DNAH17: variants seen among roughly 807,000 people sequenced by gnomAD.
The protein encoded by DNAH17 is dynein axonemal heavy chain 17, also known as axonemal beta dynein heavy chain 17.
DNAH17 carries 376 observed loss-of-function variants against 485.6 expected under a neutral mutation model. That is an observed-to-expected ratio of 0.77 (90% CI 0.71 to 0.84). The LOEUF (loss-of-function observed/expected upper bound fraction) is 0.84. Among genes scored for constraint, DNAH17 ranks in the 40% least tolerant of loss-of-function variants. The pLI is 0.00. For synonymous variants in DNAH17, 3,031 were observed against 2,405.9 expected, an observed-to-expected ratio of 1.26 and a Z score of -7.60; for missense variants, 6,370 against 5,839.3, an observed-to-expected ratio of 1.09 and a Z score of -2.96.
chr17:78,483,426 T>C (rs2089438953), intron 48 of DNAH17, among the ~76,000 whole-genome samples: 1 of 152,016 alleles, frequency 6.6e-6, no homozygotes, highest in Non-Finnish European at 1.5e-5. Flanking sequence ...GGTCAGGAGT[T>C]AGAGACCTGC....
chr17:78,460,841 C>T (rs938637552), intron 58 of DNAH17, among the ~76,000 whole-genome samples: 1 of 152,126 alleles, frequency 6.6e-6, no homozygotes, highest in African/African-American at 2.4e-5. Flanking sequence ...TAGCTCACAC[C>T]CCTCTAAGAA....
Position 78,570,374 on chromosome 17 carries a change from T to TG in DNAH17, c.919-3dup, listed in dbSNP as rs1409811363. 6 of 1,609,456 alleles carry TG rather than the reference T, an allele frequency of 3.7e-6. No homozygotes were observed. The highest frequency in any genetic ancestry group is 4.5e-5 in the East Asian group (2 of 44,760). ...CACCTTGGCAATGAAGGTGGGGAGC[T>TG]GGGGGGAGACAGGCCCAGGCACACT... On this transcript the variant is annotated splice_region_variant and splice_polypyrimidine_tract_variant and intron_variant, in intron 6 of 80. Coordinates refer to ENST00000389840, the MANE Select transcript of DNAH17 (RefSeq NM_173628.4).
At chr17:78,513,647 G>A (rs1291243345) in intron 26 of DNAH17, among the ~76,000 whole-genome samples, 1 of 152,100 alleles carries the variant, frequency 6.6e-6, no homozygotes, top group Admixed American at 6.5e-5. Flanking sequence ...TGTTGGCCAG[G>A]CTGGTCTCAA....
At chr17:78,528,317 G>A (rs1240902179) in intron 22 of DNAH17, among the ~76,000 whole-genome samples, 2 of 152,178 alleles carry the variant, frequency 1.3e-5, no homozygotes, top group African/African-American at 4.8e-5. Flanking sequence ...CTAGAGTCCA[G>A]TGGTACAATC....
chr17:78,552,885 C>CA, intron 14 of DNAH17, 80 bp from the exon 15 acceptor site: 1 of 929,274 alleles, frequency 1.1e-6, no homozygotes, highest in Admixed American at 1.7e-5. Flanking sequence ...TTTTATTCCT[C>CA]AACACCAACT....
intron 80 of DNAH17, 27 bp from the exon 81 acceptor site, chr17:78,424,180 A>C: frequency 6.3e-7 from 1 of 1,587,838 alleles, no homozygotes; most frequent in Non-Finnish European, 8.6e-7. Context: ...GCTGAGGGTC[A>C]GGTGTGCTGC....
Position 78,428,573 on chromosome 17 carries a change from T to A in DNAH17, c.12540A>T (p.Pro4180=). 1 of 1,613,922 alleles carries A rather than the reference T, an allele frequency of 6.2e-7. No homozygotes were observed. Residue 4180 remains proline, a synonymous_variant, in exon 77 of 81, where the codon CCA becomes CCT. Transcript: ENST00000389840. ...KLFRTVLEMQ[P]KETDSGAGTG... Reference sequence around the variant, plus strand: ...TGCCTGCCCCCGAGTCCGTCTCTTTTGGCTGCATTTCCAGGACAGTGCGGA... The same window carrying A: ...TGCCTGCCCCCGAGTCCGTCTCTTTAGGCTGCATTTCCAGGACAGTGCGGA...
intron 17 of DNAH17, among the ~76,000 whole-genome samples, chr17:78,543,055 G>A (rs77094631): frequency 0.18 from 26,936 of 152,242 alleles, 2,607 homozygotes; most frequent in East Asian, 0.31. Flanking sequence ...AGGCTTGGAA[G>A]TGTACAGCAA....
chr17:78,501,267 G>A lies in DNAH17; in HGVS notation c.5400C>T (p.Ala1800=). The A allele has an allele frequency of 6.2e-7, 1 of 1,609,372 alleles. No homozygotes were observed. The highest frequency in any genetic ancestry group is 8.5e-7 in the Non-Finnish European group (1 of 1,176,112). ...ACTGGATTTGGGCATCGCAGATGTT[G>A]GCAAAGCAGTGTCGCTTCTCTTCGT... ...RWDEEKRHCF[A]NICDAQIQYS... Residue 1800 remains alanine (A), a synonymous_variant, in exon 35 of 81, where the codon GCC becomes GCT. Coordinates refer to ENST00000389840, the MANE Select transcript of DNAH17 (RefSeq NM_173628.4).
chr17:78,437,740 G>A lies in DNAH17; in HGVS notation c.11934C>T (p.Ile3978=), dbSNP rs766522069. ...AEPAPSPETH[I]IPQGILENAI... ...CGTTCTCCAGAATGCCCTGGGGGAT[G>A]ATGTGGGTCTCGGGGCTGGGGGCAG... The change falls in exon 74 of 81, where the codon ATC becomes ATT. Residue 3978 remains isoleucine, a synonymous_variant. Transcript: ENST00000389840. 9 of 1,612,516 alleles carry A rather than the reference G, an allele frequency of 5.6e-6. No homozygotes were observed. Among genetic ancestry groups the A allele is most frequent in the Non-Finnish European group, 7.6e-6 (9 of 1,179,786 alleles).
At chr17:78,544,966 T>C (rs2091717503) in intron 16 of DNAH17, among the ~76,000 whole-genome samples, 1 of 151,946 alleles carries the variant, frequency 6.6e-6, no homozygotes, top group Non-Finnish European at 1.5e-5. Flanking sequence ...CAAAAAACAG[T>C]CTTTGGCCAT....
At chr17:78,503,562 A>C (rs965175973) in intron 31 of DNAH17, among the ~76,000 whole-genome samples, 2 of 151,962 alleles carry the variant, frequency 1.3e-5, no homozygotes, top group African/African-American at 4.8e-5. Context: ...GTCCTGGCTC[A>C]CTGCAGCCTC....
At chr17:78,526,819 G>GC in intron 23 of DNAH17, 61 bp downstream of exon 23, 1 of 1,558,414 alleles carries the variant, frequency 6.4e-7, no homozygotes, top group Non-Finnish European at 8.7e-7. Context: ...ATGCCGCAGG[G>GC]CCCTGGGTGA....
At position 78,561,007 on chromosome 17, in the gene DNAH17, T is replaced by G. The variant is rs993261016; in HGVS notation, c.1836-72A>C. 6 of 1,433,132 alleles carry G rather than the reference T, an allele frequency of 4.2e-6. No individual in the cohort carries two copies. The Admixed American group carries it at 1.2e-4, about 30-fold the overall frequency. 88.8% of individuals were successfully genotyped at this position (1,433,132 alleles called of 1,614,324 possible). A position where few individuals can be genotyped will look rare whatever the true frequency, so the allele number is the denominator to read the frequency against. Reference sequence around the variant, plus strand: ...GGGTGTCTTCGGCACGTCCCATCGTTGCTGCCCGATCTGGGGTGCCGAAGC... The same window carrying G: ...GGGTGTCTTCGGCACGTCCCATCGTGGCTGCCCGATCTGGGGTGCCGAAGC... On this transcript the variant is annotated intron_variant, in intron 12 of 80. Coordinates refer to ENST00000389840, the MANE Select transcript of DNAH17 (RefSeq NM_173628.4).
intron 71 of DNAH17, 106 bp downstream of exon 71, chr17:78,444,498 C>G (rs1343917440): frequency 1.8e-6 from 2 of 1,129,902 alleles, no homozygotes; most frequent in East Asian, 5.8e-5. Flanking sequence ...GAAAAAAGTT[C>G]AGGGGATCAA....
chr17:78,504,450 C>T (rs1376182733), intron 31 of DNAH17, among the ~76,000 whole-genome samples: 2 of 148,256 alleles, frequency 1.3e-5, no homozygotes, highest in African/African-American at 2.5e-5. Context: ...GCCCAGGAAG[C>T]GAATCTAGAC....
intron 72 of DNAH17, among the ~76,000 whole-genome samples, chr17:78,440,630 T>C (rs1029014904): frequency 2.0e-5 from 3 of 152,212 alleles, no homozygotes; most frequent in African/African-American, 7.2e-5. Flanking sequence ...TATCCACTTA[T>C]CCATTTGTCA....
At chr17:78,535,910 G>C (rs913029726) in intron 19 of DNAH17, among the ~76,000 whole-genome samples, 9 of 152,152 alleles carry the variant, frequency 5.9e-5, no homozygotes, top group African/African-American at 2.2e-4. Context: ...GGTCACTTAA[G>C]TCTTTTCAGA....
At chr17:78,561,048 T>A in intron 12 of DNAH17, 113 bp from the exon 13 acceptor site, 1 of 962,618 alleles carries the variant, frequency 1.0e-6, no homozygotes, top group Non-Finnish European at 1.5e-6. Context: ...GCCACCCAAT[T>A]ACTCGAGGCT....
Sources: gnomAD v4.1 joint callset for allele counts (sites outside exome capture counted in the v4.1 genomes callset) on GRCh38, gnomAD v4.1.1 for gene constraint, MANE v1.5 for transcripts, NCBI Gene and HGNC (gene_info 2026-07-23, HGNC 2026-07-21) for gene names.